FANCL: variants seen among roughly 807,000 people sequenced by gnomAD.
FANCL encodes the protein FA complementation group L, also known as E3 ubiquitin-protein ligase FANCL.
Under a neutral mutation model 59.4 loss-of-function variants are expected in FANCL, and 69 were observed. That is an observed-to-expected ratio of 1.16 (90% CI 0.96 to 1.42). The LOEUF (loss-of-function observed/expected upper bound fraction) is 1.42, where lower values mean the gene tolerates loss of function less well. FANCL is among the 40% of genes most tolerant of loss of function. The pLI is 0.00. For missense variants in FANCL, 519 were observed against 447.2 expected, an observed-to-expected ratio of 1.16 and a Z score of -1.45; for synonymous variants, 180 against 147.1, an observed-to-expected ratio of 1.22 and a Z score of -1.62.
intron 7 of FANCL, among the ~76,000 whole-genome samples, chr2:58,178,890 G>C (rs892431427): frequency 1.3e-5 from 2 of 152,122 alleles, no homozygotes; most frequent in African/African-American, 4.8e-5. Flanking sequence ...AAGGTCTCAG[G>C]ATACAAAATC....
At chr2:58,221,049 T>C (rs1396235621) in intron 5 of FANCL, among the ~76,000 whole-genome samples, 3 of 151,934 alleles carry the variant, frequency 2.0e-5, no homozygotes, top group Admixed American at 1.3e-4. Context: ...CCGTCTCTAC[T>C]AAAAATACAA....
chr2:58,159,392 C>CTT lies in FANCL; in HGVS notation c.*371_*372dup. 1 of 1,612,930 alleles carries CTT rather than the reference C, an allele frequency of 6.2e-7. No individual in the cohort carries two copies. The highest frequency in any genetic ancestry group is 8.5e-7 in the Non-Finnish European group (1 of 1,179,526). ...CAGAAATATCAAGAGTCTCAAGAAC[C>CTT]TTTGAATGAAGTAAACAGTTTCCCA... On this transcript the variant is annotated 3_prime_UTR_variant, in exon 14 of 14. Coordinates refer to ENST00000233741, the MANE Select transcript of FANCL (RefSeq NM_018062.4).
At chr2:58,217,157 T>TTTA (rs1558806122) in intron 5 of FANCL, among the ~76,000 whole-genome samples, 7 of 63,430 alleles carry the variant, frequency 1.1e-4, no homozygotes, top group African/African-American at 3.2e-4. Flanking sequence ...ATATATATAT[T>TTTA]TATATATTTT....
At chr2:58,173,685 C>A (rs1174338252) in intron 7 of FANCL, among the ~76,000 whole-genome samples, 1 of 152,026 alleles carries the variant, frequency 6.6e-6, no homozygotes. Context: ...CAAAATCATG[C>A]CAAATTGTAA....
At position 58,162,964 on chromosome 2, in the gene FANCL, A is replaced by C; in HGVS notation, c.822-17T>G. 1 of 1,612,784 alleles carries C rather than the reference A, an allele frequency of 6.2e-7. No homozygotes were observed. Among genetic ancestry groups the C allele is most frequent in the Non-Finnish European group, 8.5e-7 (1 of 1,178,936 alleles). ...TCTGGATCCCTGAAAGCATGGGGAAAAAAATTATGCTGTGAACTTTGTAAA... is the reference window on the plus strand; with the variant it reads ...TCTGGATCCCTGAAAGCATGGGGAACAAAATTATGCTGTGAACTTTGTAAA... On this transcript the variant is annotated splice_polypyrimidine_tract_variant and intron_variant, in intron 10 of 13. Transcript: ENST00000233741.
intron 5 of FANCL, 27 bp downstream of exon 5, chr2:58,221,915 T>C: frequency 1.3e-6 from 2 of 1,485,056 alleles, no homozygotes; most frequent in Non-Finnish European, 1.9e-6. Context: ...ACAAAGGCAT[T>C]TAAAACATAT....
At chr2:58,181,328 T>A (rs948838280) in intron 7 of FANCL, among the ~76,000 whole-genome samples, 1 of 152,064 alleles carries the variant, frequency 6.6e-6, no homozygotes. Flanking sequence ...CCTCTGTTTA[T>A]AATATCTGGA....
At position 58,185,182 on chromosome 2, in the gene FANCL, T is replaced by C. The variant is rs559380132; in HGVS notation, c.540+13412A>G. ...AGGTCAGAAGAATAAAAAAAAAGAATTAATCTTAAGGAAAAAATAGACATC... is the reference window on the plus strand; with the variant it reads ...AGGTCAGAAGAATAAAAAAAAAGAACTAATCTTAAGGAAAAAATAGACATC... On this transcript the variant is annotated intron_variant, in intron 7 of 13. Transcript: ENST00000233741. 3.2e-4 allele frequency among the ~76,000 whole-genome samples: 48 copies of C among 152,070 alleles called. 1 individual carries two copies. In the South Asian group the frequency reaches 9.8e-3, roughly 31 times the overall value.
At chr2:58,209,432 G>A (rs1298132877) in intron 5 of FANCL, among the ~76,000 whole-genome samples, 1 of 151,680 alleles carries the variant, frequency 6.6e-6, no homozygotes, top group Non-Finnish European at 1.5e-5. Flanking sequence ...ATGGATTTAT[G>A]TATGAAGAAA....
At chr2:58,184,581 TAAG>T (rs925880484) in intron 7 of FANCL, among the ~76,000 whole-genome samples, 3 of 151,668 alleles carry the variant, frequency 2.0e-5, no homozygotes, top group Admixed American at 6.6e-5. Context: ...CATACAATAA[TAAG>T]AATAAGGAAA....
chr2:58,221,422 T>G (rs1210644003), intron 5 of FANCL, among the ~76,000 whole-genome samples: 1 of 152,138 alleles, frequency 6.6e-6, no homozygotes, highest in African/African-American at 2.4e-5. Context: ...TTAAGTTTCT[T>G]TATGCATCAG....
At chr2:58,240,215 T>C (rs1445250698) in intron 1 of FANCL, among the ~76,000 whole-genome samples, 2 of 152,266 alleles carry the variant, frequency 1.3e-5, no homozygotes, top group African/African-American at 2.4e-5. Flanking sequence ...ATACTTCTAA[T>C]TGGAGAGGGA....
upstream of FANCL, chr2:58,241,335 C>T: frequency 6.2e-7 from 1 of 1,612,364 alleles, no homozygotes; most frequent in Non-Finnish European, 8.5e-7. Context: ...CGGAGAAACA[C>T]AGAAAAGCTC....
intron 11 of FANCL, 54 bp downstream of exon 11, chr2:58,162,812 T>G: frequency 3.4e-6 from 5 of 1,467,214 alleles, no homozygotes; most frequent in Non-Finnish European, 4.8e-6. Context: ...AGAGAAGCAT[T>G]TAAACTTCAT....
intron 7 of FANCL, among the ~76,000 whole-genome samples, chr2:58,195,843 G>A (rs1689374538): frequency 6.6e-6 from 1 of 152,024 alleles, no homozygotes; most frequent in Non-Finnish European, 1.5e-5. Context: ...TCTAGGGAAG[G>A]CAATTTGTCA....
intron 7 of FANCL, among the ~76,000 whole-genome samples, chr2:58,175,060 T>C (rs1405254219): frequency 6.6e-6 from 1 of 151,472 alleles, no homozygotes; most frequent in Non-Finnish European, 1.5e-5. Context: ...CCTCGACACA[T>C]ACTCCCTCCC....
intron 7 of FANCL, among the ~76,000 whole-genome samples, chr2:58,174,011 A>C (rs1686984036): frequency 6.6e-6 from 1 of 152,126 alleles, no homozygotes; most frequent in Non-Finnish European, 1.5e-5. Flanking sequence ...AACAGACTTT[A>C]AACCAACAAA....
intron 7 of FANCL, among the ~76,000 whole-genome samples, chr2:58,188,080 G>GT (rs1258555171): frequency 6.6e-6 from 1 of 152,022 alleles, no homozygotes; most frequent in African/African-American, 2.4e-5. Flanking sequence ...ATAATTCATT[G>GT]TAAGTTAATT....
intron 6 of FANCL, among the ~76,000 whole-genome samples, chr2:58,202,387 T>TA (rs202212067): frequency 2.9e-4 from 43 of 145,948 alleles, no homozygotes; most frequent in Non-Finnish European, 3.5e-4. Context: ...TTTTTTTTCC[T>TA]AAAAAAAAAA....
Sources: gnomAD v4.1 joint callset for allele counts (sites outside exome capture counted in the v4.1 genomes callset) on GRCh38, gnomAD v4.1.1 for gene constraint, MANE v1.5 for transcripts, NCBI Gene and HGNC (gene_info 2026-07-23, HGNC 2026-07-21) for gene names.